Variants in DIS3L2 observed in about 807,000 individuals in gnomAD.
DIS3L2 encodes DIS3-like exonuclease 2.
A neutral mutation model predicts 97.5 loss-of-function variants in DIS3L2; 34 were observed. That is an observed-to-expected ratio of 0.35 (90% CI 0.27 to 0.46). The LOEUF is 0.46. DIS3L2 is among the 20% of genes least tolerant of loss of function. DIS3L2 has a pLI of 1.00. For missense variants in DIS3L2, 1,038 were observed against 1,146.0 expected, an observed-to-expected ratio of 0.91 and a Z score of 1.36; for synonymous variants, 435 against 445.2, an observed-to-expected ratio of 0.98 and a Z score of 0.29.
At chr2:232,251,086 A>G (rs1257046370) in intron 12 of DIS3L2, among the ~76,000 whole-genome samples, 3 of 152,226 alleles carry the variant, frequency 2.0e-5, no homozygotes, top group Non-Finnish European at 4.4e-5. Context: ...CAATAGCTTT[A>G]TTTTACTTTG....
intron 10 of DIS3L2, among the ~76,000 whole-genome samples, chr2:232,224,829 C>G (rs1433683834): frequency 2.0e-5 from 3 of 146,496 alleles, no homozygotes; most frequent in Non-Finnish European, 4.5e-5. Context: ...CTGAGTGAGA[C>G]TCTGTCTTTA....
At chr2:232,334,577 G>A (rs1263481729) in intron 18 of DIS3L2, 54 bp from the exon 19 acceptor site, 69 of 1,601,268 alleles carry the variant, frequency 4.3e-5, no homozygotes, top group Middle Eastern at 1.7e-4. Flanking sequence ...AGGAGGCCTC[G>A]AGGAGCCCAG....
intron 12 of DIS3L2, among the ~76,000 whole-genome samples, chr2:232,251,837 A>C (rs1167581428): frequency 1.3e-5 from 2 of 152,240 alleles, no homozygotes; most frequent in East Asian, 3.8e-4. Flanking sequence ...TATCAATAAA[A>C]AGGGTAGGAA....
At chr2:232,118,801 C>G (rs1335677921) in intron 6 of DIS3L2, among the ~76,000 whole-genome samples, 1 of 152,230 alleles carries the variant, frequency 6.6e-6, no homozygotes, top group Non-Finnish European at 1.5e-5. Flanking sequence ...AGAGCTGAAG[C>G]TTGTTACCTT....
At chr2:232,225,678 T>C (rs1244449297) in intron 10 of DIS3L2, among the ~76,000 whole-genome samples, 2 of 152,164 alleles carry the variant, frequency 1.3e-5, no homozygotes, top group African/African-American at 2.4e-5. Flanking sequence ...AAAACTTCAT[T>C]GAACTGTATG....
Position 232,249,277 on chromosome 2 carries a change from G to A in DIS3L2, c.1356G>A (p.Leu452=). 2 of 1,614,202 alleles carry A rather than the reference G, an allele frequency of 1.2e-6. No individual in the cohort carries two copies. Among genetic ancestry groups the A allele is most frequent in the East Asian group, 2.2e-5 (1 of 44,886 alleles). The change falls in exon 12 of 21, where the codon CTG becomes CTA. Residue 452 remains leucine (L), a synonymous_variant. Coordinates refer to ENST00000325385, the MANE Select transcript of DIS3L2 (RefSeq NM_152383.5). ...PMLPRLLCEE[L]CSLNPMSDKL... ...TTCCCAGGCTGCTGTGTGAGGAGCT[G>A]TGCAGCCTCAACCCCATGTCCGACA...
rs1357716815 is a variant in DIS3L2 at position 232,006,416 on chromosome 2, TTGGTAATAGAGTACTAA to T, written c.-93-8415_-93-8399del. On this transcript the variant is annotated intron_variant, in intron 1 of 20. Coordinates refer to ENST00000325385, the MANE Select transcript of DIS3L2 (RefSeq NM_152383.5). ...ATTTTGAAGGTAGAATAGACAGAAT[TTGGTAATAGAGTACTAA>T]TGGAGAAAAAGAGATTAGATGTCTA... is the stretch of plus-strand genomic sequence containing the variant. Among the ~76,000 whole-genome samples the T allele has an allele frequency of 2.4e-4, 36 of 152,270 alleles. No individual in the cohort carries two copies. In the South Asian group the frequency reaches 7.1e-3, roughly 30 times the overall value.
At chr2:232,033,385 G>T (rs1694863658) in intron 5 of DIS3L2, among the ~76,000 whole-genome samples, 1 of 152,172 alleles carries the variant, frequency 6.6e-6, no homozygotes, top group African/African-American at 2.4e-5. Flanking sequence ...AGACATTGGG[G>T]TTTTCTAAAT....
chr2:232,074,084 T>G (rs1476861867), intron 5 of DIS3L2, among the ~76,000 whole-genome samples: 1 of 152,250 alleles, frequency 6.6e-6, no homozygotes, highest in East Asian at 1.9e-4. Context: ...TATTTGCATT[T>G]ATATTGAAAA....
intron 13 of DIS3L2, among the ~76,000 whole-genome samples, chr2:232,266,583 A>T (rs2106284710): frequency 6.6e-6 from 1 of 152,324 alleles, no homozygotes; most frequent in South Asian, 2.1e-4. Context: ...GGAGGAGCAC[A>T]TCAATCTCCC....
chr2:232,289,101 C>G lies in DIS3L2; in HGVS notation c.1660-10939C>G, dbSNP rs1051249504. On this transcript the variant is annotated intron_variant, in intron 13 of 20. Transcript: ENST00000325385. ...GGAGAGTTTACAAGGTTATCTCTTA[C>G]AACAAACCCCATCGAACATTGAGAA... is the stretch of plus-strand genomic sequence containing the variant. Among the ~76,000 whole-genome samples, 12 of 152,066 alleles carry G rather than the reference C, an allele frequency of 7.9e-5. 1 individual carries two copies. Among genetic ancestry groups the G allele is most frequent in the Admixed American group, 5.9e-4 (9 of 15,276 alleles).
At chr2:232,175,072 G>T (rs187531018) in intron 9 of DIS3L2, among the ~76,000 whole-genome samples, 240 of 152,104 alleles carry the variant, frequency 1.6e-3, no homozygotes, top group Non-Finnish European at 2.7e-3. Context: ...CAAGTGATCT[G>T]CCCGCCCCGG....
intron 6 of DIS3L2, among the ~76,000 whole-genome samples, chr2:232,094,733 A>AT (rs1696952678): frequency 6.7e-6 from 1 of 150,130 alleles, no homozygotes; most frequent in African/African-American, 2.5e-5. Flanking sequence ...AAAAAAAAAA[A>AT]AAGAAAGAAA....
intron 5 of DIS3L2, among the ~76,000 whole-genome samples, chr2:232,053,248 A>G (rs1048727565): frequency 3.3e-5 from 5 of 152,240 alleles, no homozygotes; most frequent in East Asian, 1.9e-4. Context: ...TGTTAAGACT[A>G]TACAGAATTT....
intron 1 of DIS3L2, among the ~76,000 whole-genome samples, chr2:232,007,011 G>A (rs1424399326): frequency 6.6e-6 from 1 of 152,194 alleles, no homozygotes; most frequent in South Asian, 2.1e-4. Flanking sequence ...AATAGAGGTT[G>A]TGAGTCCAGA....
intron 1 of DIS3L2, among the ~76,000 whole-genome samples, chr2:231,984,392 T>TC (rs1693350520): frequency 6.9e-6 from 1 of 145,158 alleles, no homozygotes; most frequent in Non-Finnish European, 1.5e-5. Context: ...TTCTTTTTTT[T>TC]TTTTTTTTTT....
chr2:232,315,911 A>G (rs934834995), intron 14 of DIS3L2, among the ~76,000 whole-genome samples: 2 of 152,132 alleles, frequency 1.3e-5, no homozygotes, highest in African/African-American at 4.8e-5. Context: ...AGCCAACCCC[A>G]TGTGACCCCA....
intron 6 of DIS3L2, among the ~76,000 whole-genome samples, chr2:232,125,114 G>A (rs933196769): frequency 1.3e-5 from 2 of 151,970 alleles, no homozygotes; most frequent in South Asian, 2.1e-4. Flanking sequence ...ATGCTCCCTC[G>A]TCCCATTCAC....
chr2:232,317,436 G>T (rs185697922), intron 14 of DIS3L2, among the ~76,000 whole-genome samples: 1 of 152,046 alleles, frequency 6.6e-6, no homozygotes, highest in Admixed American at 6.6e-5. Context: ...CTATTTTGGC[G>T]GGGTGGGGAG....
Sources: gnomAD v4.1 joint callset for allele counts (sites outside exome capture counted in the v4.1 genomes callset) on GRCh38, gnomAD v4.1.1 for gene constraint, MANE v1.5 for transcripts, NCBI Gene and HGNC (gene_info 2026-07-23, HGNC 2026-07-21) for gene names.